Variants in FAF1 observed in about 807,000 individuals in gnomAD.
FAF1 encodes Fas associated factor 1.
In FAF1, 25 loss-of-function variants were observed where a neutral mutation model predicts 92.5. That is an observed-to-expected ratio of 0.27 (90% CI 0.20 to 0.38). The LOEUF is 0.38. FAF1 is among the 10% of genes least tolerant of loss of function. FAF1 has a pLI of 1.00. For synonymous variants in FAF1, 234 were observed against 273.2 expected (o/e 0.86, Z 1.42); for missense variants, 636 against 793.3 (o/e 0.80, Z 2.38).
intron 7 of FAF1, among the ~76,000 whole-genome samples, chr1:50,695,684 G>A (rs1007367730): frequency 1.3e-5 from 2 of 152,142 alleles, no homozygotes; most frequent in Non-Finnish European, 2.9e-5. Context: ...TCTCGCTCTT[G>A]TCACCCAGGC....
intron 13 of FAF1, among the ~76,000 whole-genome samples, chr1:50,544,152 T>C (rs1428613307): frequency 6.6e-6 from 1 of 152,052 alleles, no homozygotes; most frequent in Admixed American, 6.5e-5. Flanking sequence ...TCCCAACATT[T>C]CCACACTAAG....
intron 18 of FAF1, among the ~76,000 whole-genome samples, chr1:50,455,136 C>A (rs1572752644): frequency 1.3e-5 from 2 of 152,310 alleles, no homozygotes; most frequent in East Asian, 3.9e-4. Context: ...AGCTCTCTGG[C>A]TCTAGCTTCT....
chr1:50,599,963 TC>T (rs1652017720), intron 8 of FAF1, among the ~76,000 whole-genome samples: 1 of 152,150 alleles, frequency 6.6e-6, no homozygotes. Flanking sequence ...TCTGAAATGC[TC>T]CAATGAGCAT....
At position 50,960,029 on chromosome 1, in the gene FAF1, C is replaced by G. The variant is rs1645303968; in HGVS notation, c.-218G>C. 2.5e-6 allele frequency: 1 copy of G among 395,588 alleles called. No individual in the cohort carries two copies. The highest frequency in any genetic ancestry group is 4.5e-6 in the Non-Finnish European group (1 of 224,290). The allele number at this position is 395,588 out of a possible 1,614,324, so 24.5% of individuals were successfully genotyped here. A position where few individuals can be genotyped will look rare whatever the true frequency, so the allele number is the denominator to read the frequency against. The stretch of plus-strand genomic sequence containing the variant: ...ACCTTCAGGCGCCCCGGCCGCCCGC[C>G]TGCAACCTGCGGAGCCCGCGTCGCA... On this transcript the variant is annotated 5_prime_UTR_variant, in exon 1 of 19. Transcript: ENST00000396153.
chr1:50,648,943 G>A (rs1048216309), intron 8 of FAF1, among the ~76,000 whole-genome samples: 2 of 152,036 alleles, frequency 1.3e-5, no homozygotes, highest in African/African-American at 4.8e-5. Context: ...TAGGGGGCCT[G>A]GCCCTAATTG....
intron 1 of FAF1, among the ~76,000 whole-genome samples, chr1:50,865,739 A>G (rs905204014): frequency 1.4e-5 from 2 of 139,722 alleles, no homozygotes; most frequent in African/African-American, 5.4e-5. Flanking sequence ...CCTAATGCTA[A>G]ATGACGAGTT....
At chr1:50,554,383 A>ATG (rs1649456164) in intron 13 of FAF1, among the ~76,000 whole-genome samples, 3 of 117,074 alleles carry the variant, frequency 2.6e-5, no homozygotes, top group African/African-American at 1.1e-4. Context: ...ATATATATAT[A>ATG]TATATATAGA....
intron 8 of FAF1, among the ~76,000 whole-genome samples, chr1:50,599,585 GTAATT>G (rs987519318): frequency 3.4e-5 from 5 of 148,888 alleles, no homozygotes; most frequent in Admixed American, 6.6e-5. Context: ...AAATTATTAA[GTAATT>G]TAATTTATTT....
chr1:50,942,330 A>G (rs1006710368), intron 1 of FAF1, among the ~76,000 whole-genome samples: 11 of 152,162 alleles, frequency 7.2e-5, no homozygotes, highest in Non-Finnish European at 1.6e-4. Flanking sequence ...GTGAAACCCC[A>G]TCTCTACAAA....
At chr1:50,477,272 AATT>A (rs910034227) in intron 17 of FAF1, among the ~76,000 whole-genome samples, 2 of 152,194 alleles carry the variant, frequency 1.3e-5, no homozygotes, top group African/African-American at 4.8e-5. Context: ...CAGAGATGGG[AATT>A]ATATAGACCA....
At chr1:50,579,205 C>T (rs1650883673) in intron 12 of FAF1, among the ~76,000 whole-genome samples, 1 of 152,098 alleles carries the variant, frequency 6.6e-6, no homozygotes, top group Non-Finnish European at 1.5e-5. Flanking sequence ...ATTTACTGTA[C>T]AAGACACTTA....
At chr1:50,479,888 A>C (rs1312540626) in intron 17 of FAF1, among the ~76,000 whole-genome samples, 1 of 152,208 alleles carries the variant, frequency 6.6e-6, no homozygotes, top group Non-Finnish European at 1.5e-5. Context: ...AATATCCAAC[A>C]GTTCTACTGC....
intron 1 of FAF1, among the ~76,000 whole-genome samples, chr1:50,892,287 C>T (rs1006510615): frequency 6.6e-6 from 1 of 152,184 alleles, no homozygotes; most frequent in Admixed American, 6.5e-5. Context: ...AAGGGAATTC[C>T]CTGACGCTTC....
intron 8 of FAF1, among the ~76,000 whole-genome samples, chr1:50,633,322 A>T (rs1209650921): frequency 2.6e-5 from 4 of 152,238 alleles, no homozygotes; most frequent in Admixed American, 2.6e-4. Flanking sequence ...TTATTCGTAA[A>T]ATCAGTCCTG....
chr1:50,648,389 G>A (rs895867001), intron 8 of FAF1, among the ~76,000 whole-genome samples: 69 of 152,252 alleles, frequency 4.5e-4, no homozygotes, highest in Admixed American at 2.6e-3. Flanking sequence ...AAGTATATTC[G>A]AAAAATAGTA....
intron 2 of FAF1, among the ~76,000 whole-genome samples, chr1:50,818,334 G>A (rs1643997873): frequency 6.6e-6 from 1 of 152,142 alleles, no homozygotes; most frequent in Non-Finnish European, 1.5e-5. Context: ...CAGCATGGCA[G>A]TTTCATATAA....
intron 9 of FAF1, among the ~76,000 whole-genome samples, chr1:50,594,554 T>G (rs1465556987): frequency 7.0e-6 from 1 of 143,796 alleles, no homozygotes; most frequent in East Asian, 2.1e-4. Flanking sequence ...TTTAAATATT[T>G]CCTTATAATA....
intron 15 of FAF1, among the ~76,000 whole-genome samples, chr1:50,519,398 AGGAG>A (rs1253474329): frequency 8.4e-5 from 5 of 59,572 alleles, no homozygotes; most frequent in African/African-American, 4.0e-4. Context: ...GAGGGAGGGA[AGGAG>A]GGAGGGAGGG....
At chr1:50,509,442 T>G (rs1266448817) in intron 15 of FAF1, among the ~76,000 whole-genome samples, 1 of 151,924 alleles carries the variant, frequency 6.6e-6, no homozygotes, top group Non-Finnish European at 1.5e-5. Context: ...TGAGACCCTA[T>G]CTCTACAAAA....
Sources: allele counts gnomAD v4.1 joint callset (sites outside exome capture counted in the v4.1 genomes callset), GRCh38; gene constraint gnomAD v4.1.1; transcripts MANE v1.5; gene names NCBI Gene and HGNC (gene_info 2026-07-23, HGNC 2026-07-21).